RBBP8: variants seen among roughly 807,000 people sequenced by gnomAD.
RBBP8 encodes the protein DNA endonuclease RBBP8.
A neutral mutation model predicts 108.3 loss-of-function variants in RBBP8; 88 were observed. The ratio of observed to expected loss-of-function variants is 0.81; its 90% confidence interval spans 0.68 to 0.97. RBBP8 has a LOEUF of 0.97. Ranked by LOEUF, RBBP8 falls within the 50% of genes least tolerant of loss-of-function variation. The pLI, the probability that RBBP8 is intolerant of heterozygous loss-of-function variation, is 0.00. For synonymous variants in RBBP8, 332 were observed against 348.2 expected, an observed-to-expected ratio of 0.95 and a Z score of 0.52; for missense variants, 1,023 against 1,049.0, an observed-to-expected ratio of 0.98 and a Z score of 0.34.
chr18:22,916,365 T>C (rs1157525729), intron 2 of RBBP8, among the ~76,000 whole-genome samples: 2 of 152,026 alleles, frequency 1.3e-5, no homozygotes, highest in Non-Finnish European at 2.9e-5. Flanking sequence ...GAATCCAATA[T>C]CTCATTTTTG....
chr18:22,925,744 C>T (rs548369152), intron 3 of RBBP8, among the ~76,000 whole-genome samples: 19 of 152,316 alleles, frequency 1.2e-4, no homozygotes, highest in African/African-American at 3.8e-4. Flanking sequence ...CTTGTTCCGA[C>T]GGTTAGCCCT....
At chr18:23,006,540 C>CTTTA in intron 16 of RBBP8, 108 bp downstream of exon 16, 1 of 988,808 alleles carries the variant, frequency 1.0e-6, no homozygotes, top group Non-Finnish European at 1.6e-6. Context: ...CTTGCTCTGT[C>CTTTA]ACCCAGGCTA....
rs781255745 is a variant in RBBP8 at position 22,997,610 on chromosome 18, A to G, written c.2029-10A>G. ...TGTTAAAATTTTTGATTTTTAAAAT[A>G]TTTATTTAGGATGGCAGTCAGTCAA... On this transcript the variant is annotated splice_polypyrimidine_tract_variant and intron_variant, in intron 13 of 18. Coordinates refer to ENST00000327155, the MANE Select transcript of RBBP8 (RefSeq NM_002894.3). 8 of 1,531,392 alleles carry G rather than the reference A, an allele frequency of 5.2e-6. No homozygotes were observed. Among genetic ancestry groups the G allele is most frequent in the African/African-American group, 2.8e-5 (2 of 72,066 alleles). 94.9% of individuals were successfully genotyped at this position (1,531,392 alleles called of 1,614,324 possible).
intron 14 of RBBP8, among the ~76,000 whole-genome samples, chr18:23,000,424 T>C (rs2045927692): frequency 6.6e-6 from 1 of 152,196 alleles, no homozygotes; most frequent in South Asian, 2.1e-4. Flanking sequence ...AAGAAAATAC[T>C]TTTTTGCTAC....
intron 3 of RBBP8, among the ~76,000 whole-genome samples, chr18:22,927,344 G>C (rs1371274153): frequency 4.6e-5 from 7 of 152,188 alleles, no homozygotes; most frequent in African/African-American, 7.2e-5. Flanking sequence ...ATGATGCAGG[G>C]AGCAGGACAG....
intron 4 of RBBP8, among the ~76,000 whole-genome samples, chr18:22,957,291 C>CTTTTTTTTTTTTTTTTTTTTTT (rs11418623): frequency 1.1e-4 from 10 of 92,870 alleles, no homozygotes; most frequent in East Asian, 3.4e-4. Context: ...ATTACTTTTT[C>CTTTTTTTTTTTTTTTTTTTTTT]TTTTTTTTTT....
At chr18:22,917,425 GAAGTT>G (rs1423051385) in intron 3 of RBBP8, among the ~76,000 whole-genome samples, 10 of 152,276 alleles carry the variant, frequency 6.6e-5, no homozygotes, top group African/African-American at 1.7e-4. Flanking sequence ...TCTAGTTAAG[GAAGTT>G]AAGTTAATAC....
chr18:22,993,878 T>C, intron 12 of RBBP8, 31 bp downstream of exon 12: 6 of 1,598,064 alleles, frequency 3.8e-6, no homozygotes, highest in Admixed American at 1.7e-5. Flanking sequence ...ATCTCCACTT[T>C]TTTAATGACT....
chr18:22,989,745 G>A (rs1000998840), intron 9 of RBBP8, among the ~76,000 whole-genome samples: 2 of 152,010 alleles, frequency 1.3e-5, no homozygotes, highest in African/African-American at 4.8e-5. Context: ...CAGTCATGGA[G>A]CCCTATAGCT....
intron 8 of RBBP8, among the ~76,000 whole-genome samples, chr18:22,986,426 C>T (rs779024280): frequency 6.6e-6 from 1 of 152,116 alleles, no homozygotes; most frequent in Non-Finnish European, 1.5e-5. Context: ...AGATCGGTCT[C>T]ATGTTCAAAG....
chr18:22,987,889 TGGATACCTCTACAG>T (rs1189988473), intron 8 of RBBP8, among the ~76,000 whole-genome samples: 2 of 152,258 alleles, frequency 1.3e-5, no homozygotes, highest in Non-Finnish European at 2.9e-5. Flanking sequence ...TACCTGCTGT[TGGATACCTCTACAG>T]GGATATCCTT....
At chr18:22,953,199 T>C (rs1009784673) in intron 4 of RBBP8, among the ~76,000 whole-genome samples, 3 of 152,218 alleles carry the variant, frequency 2.0e-5, no homozygotes, top group Admixed American at 6.5e-5. Flanking sequence ...CCTGGAGCCA[T>C]AGTTGCCCTG....
chr18:22,944,864 C>G (rs934543981), intron 2 of RBBP8, among the ~76,000 whole-genome samples: 3 of 152,020 alleles, frequency 2.0e-5, no homozygotes, highest in Non-Finnish European at 4.4e-5. Context: ...TCTTTAGTGT[C>G]TATGTGACCA....
chr18:22,915,965 T>C (rs1909339385), intron 2 of RBBP8, among the ~76,000 whole-genome samples: 2 of 152,112 alleles, frequency 1.3e-5, no homozygotes, highest in Non-Finnish European at 2.9e-5. Context: ...TTCAAATATA[T>C]GTAAGTCCTA....
In RBBP8 at chr18:22,927,623, T is replaced by C. The variant is rs186512954; in HGVS notation, c.-153-1760T>C. On this transcript the variant is annotated intron_variant, in intron 3 of 4. Coordinates refer to the RBBP8 transcript ENST00000577588. ...AGAGACTTAGTATGAAGAAAAAGAATGTAAAAAGTCTCATTAATTTTTATA... is the reference window on the plus strand; with the variant it reads ...AGAGACTTAGTATGAAGAAAAAGAACGTAAAAAGTCTCATTAATTTTTATA... Among the ~76,000 whole-genome samples, 11 of 152,292 alleles carry C rather than the reference T, an allele frequency of 7.2e-5. No homozygotes were observed. In the East Asian group the frequency reaches 2.1e-3, roughly 29 times the overall value.
At chr18:23,016,573 T>C (rs2046258803) in intron 16 of RBBP8, among the ~76,000 whole-genome samples, 1 of 152,108 alleles carries the variant, frequency 6.6e-6, no homozygotes. Context: ...TGAAGGACAT[T>C]ATTGGTATTT....
intron 4 of RBBP8, among the ~76,000 whole-genome samples, chr18:22,955,859 T>C (rs181197976): frequency 0.011 from 1,740 of 152,276 alleles, 20 homozygotes; most frequent in Admixed American, 0.029. Context: ...GGATTACAGG[T>C]GTGAGCCACC....
chr18:22,997,006 T>G (rs1465734664), intron 13 of RBBP8, among the ~76,000 whole-genome samples: 1 of 152,174 alleles, frequency 6.6e-6, no homozygotes, highest in Non-Finnish European at 1.5e-5. Flanking sequence ...TCTCATAAAT[T>G]AAAATAATGC....
Position 22,970,144 on chromosome 18 carries a change from G to A in RBBP8, c.361+1226G>A, listed in dbSNP as rs536571897. ...AGTCTCTACGCATCACTTCATTTGT[G>A]TGAATTAAATGTAGTATTCGGTGTC... On this transcript the variant is annotated intron_variant, in intron 5 of 18. Coordinates refer to ENST00000327155, the MANE Select transcript of RBBP8 (RefSeq NM_002894.3). Among the ~76,000 whole-genome samples, 483 of 152,262 alleles carry A rather than the reference G, an allele frequency of 3.2e-3. 3 individuals carry two copies. Among genetic ancestry groups the A allele is most frequent in the South Asian group, 0.016 (78 of 4,822 alleles).
Sources: allele counts gnomAD v4.1 joint callset (sites outside exome capture counted in the v4.1 genomes callset), GRCh38; gene constraint gnomAD v4.1.1; transcripts MANE v1.5; gene names NCBI Gene and HGNC (gene_info 2026-07-23, HGNC 2026-07-21).